LARGE1: variants seen among roughly 807,000 people sequenced by gnomAD.
LARGE1 encodes xylosyl- and glucuronyltransferase LARGE1.
In LARGE1, 43 loss-of-function variants were observed where a neutral mutation model predicts 87.6. The observed-to-expected ratio is 0.49, with a 90% CI of 0.38 to 0.63. The LOEUF is 0.63. Among genes scored for constraint, LARGE1 ranks in the 30% least tolerant of loss-of-function variants. The pLI is 0.00. For synonymous variants in LARGE1, 434 were observed against 394.6 expected, an observed-to-expected ratio of 1.10 and a Z score of -1.18; for missense variants, 802 against 1,000.2, an observed-to-expected ratio of 0.80 and a Z score of 2.67.
chr22:33,502,030 A>G (rs1444057308), intron 6 of LARGE1, among the ~76,000 whole-genome samples: 1 of 151,976 alleles, frequency 6.6e-6, no homozygotes, highest in East Asian at 1.9e-4. Context: ...CCATCTCTCT[A>G]TTAAAAACAC....
chr22:33,137,173 G>A, the LARGE1 span: 1 of 152,352 alleles, frequency 6.6e-6, no homozygotes, highest in South Asian at 2.1e-4. Flanking sequence ...AAGCTCAGTG[G>A]AAAACTTCCT....
chr22:33,272,889 GA>G lies in LARGE1; in HGVS notation c.*1537del, dbSNP rs1416172361. The G allele has an allele frequency of 2.6e-5, 4 of 152,502 alleles. No individual in the cohort carries two copies. Among genetic ancestry groups the G allele is most frequent in the African/African-American group, 4.8e-5 (2 of 41,448 alleles). The allele number at this position is 152,502 out of a possible 1,614,324, so 9.4% of individuals were successfully genotyped here. ...AAAGATGCGGAATGGAAAACTTGAA[GA>G]TGGTTTGAGTTAGAGACAGAGTGGG... On this transcript the variant is annotated 3_prime_UTR_variant, in exon 15 of 15. Coordinates refer to ENST00000397394, the MANE Select transcript of LARGE1 (RefSeq NM_133642.5).
intron 2 of LARGE1, among the ~76,000 whole-genome samples, chr22:33,678,852 A>G (rs1449757732): frequency 1.3e-5 from 2 of 152,210 alleles, no homozygotes; most frequent in East Asian, 3.8e-4. Flanking sequence ...ACCGAAGTAC[A>G]TTGCCCATCC....
intron 2 of LARGE1, among the ~76,000 whole-genome samples, chr22:33,702,077 C>T (rs2082418873): frequency 6.6e-6 from 1 of 152,218 alleles, no homozygotes; most frequent in African/African-American, 2.4e-5. Context: ...ATAACTGTGG[C>T]TGCATTTCAC....
chr22:33,116,020 TATTTTGTTACGGC>T, the LARGE1 span, among the ~76,000 whole-genome samples: 4 of 152,118 alleles, frequency 2.6e-5, no homozygotes, highest in Non-Finnish European at 5.9e-5. Context: ...CAGTCTGTGG[TATTTTGTTACGGC>T]ATCCCTAGAA....
intron 11 of LARGE1, among the ~76,000 whole-genome samples, chr22:33,181,201 T>C (rs1472527666): frequency 6.6e-6 from 1 of 152,160 alleles, no homozygotes; most frequent in Non-Finnish European, 1.5e-5. Context: ...GAGTTATAAA[T>C]TTAAAATAGA....
At chr22:33,430,438 A>T (rs764359046) in intron 7 of LARGE1, among the ~76,000 whole-genome samples, 2 of 152,126 alleles carry the variant, frequency 1.3e-5, no homozygotes, top group African/African-American at 2.4e-5. Context: ...CCCTCTCAGG[A>T]ACTCCTCAGA....
At position 33,399,461 on chromosome 22, in the gene LARGE1, T is replaced by C. The variant is rs926401516; in HGVS notation, c.893-15157A>G. ...CAATAAACATACGTGTGCATGTGTC[T>C]TTATAGTAGAATGATTTGTAATCCT... On this transcript the variant is annotated intron_variant, in intron 7 of 14. Transcript: ENST00000397394. Among the ~76,000 whole-genome samples the C allele has an allele frequency of 3.9e-5, 6 of 152,370 alleles. No homozygotes were observed. In the East Asian group the frequency reaches 1.2e-3, roughly 29 times the overall value.
At chr22:33,826,547 T>G (rs1266324260) in intron 1 of LARGE1, among the ~76,000 whole-genome samples, 1 of 152,078 alleles carries the variant, frequency 6.6e-6, no homozygotes, top group Non-Finnish European at 1.5e-5. Flanking sequence ...TTCACCATCT[T>G]GGCCAGGCTG....
chr22:33,326,337 G>A (rs577732650), intron 10 of LARGE1, among the ~76,000 whole-genome samples: 27 of 152,210 alleles, frequency 1.8e-4, no homozygotes, highest in Non-Finnish European at 2.6e-4. Context: ...AATGGGGAAT[G>A]AGCTCCTGCT....
intron 11 of LARGE1, among the ~76,000 whole-genome samples, chr22:33,213,831 C>CTT (rs894105038): frequency 6.8e-6 from 1 of 147,434 alleles, no homozygotes. Flanking sequence ...TTTTCTTTTT[C>CTT]TTTTTTTTTT....
At chr22:33,264,658 C>CAAAAA (rs1927826288) in intron 11 of LARGE1, among the ~76,000 whole-genome samples, 1 of 151,222 alleles carries the variant, frequency 6.6e-6, no homozygotes, top group Non-Finnish European at 1.5e-5. Context: ...GACTTCATAT[C>CAAAAA]AAAACAAAAC....
At chr22:33,261,295 T>C (rs1927611852) in intron 11 of LARGE1, among the ~76,000 whole-genome samples, 2 of 152,304 alleles carry the variant, frequency 1.3e-5, no homozygotes, top group South Asian at 2.1e-4. Context: ...TTTGTTTATC[T>C]ATTCTATCTT....
intron 6 of LARGE1, among the ~76,000 whole-genome samples, chr22:33,490,267 A>C (rs2069774208): frequency 6.6e-6 from 1 of 152,212 alleles, no homozygotes; most frequent in Non-Finnish European, 1.5e-5. Flanking sequence ...TTCACGCCAG[A>C]AGCTCCATGG....
intron 6 of LARGE1, among the ~76,000 whole-genome samples, chr22:33,441,262 C>G (rs139898572): frequency 6.6e-6 from 1 of 151,628 alleles, no homozygotes; most frequent in African/African-American, 2.4e-5. Context: ...TTAGTAGAGA[C>G]GAGATTTCAT....
chr22:33,564,276 A>C (rs1056884799), intron 6 of LARGE1, among the ~76,000 whole-genome samples: 2 of 152,128 alleles, frequency 1.3e-5, no homozygotes, highest in African/African-American at 4.8e-5. Context: ...TAGTACACCT[A>C]CTGAGCTCAC....
At chr22:33,233,598 T>C (rs867080181) in intron 11 of LARGE1, among the ~76,000 whole-genome samples, 2 of 152,188 alleles carry the variant, frequency 1.3e-5, no homozygotes, top group South Asian at 2.1e-4. Flanking sequence ...GTTGGGCAGA[T>C]GAGAAAAGAG....
At chr22:33,747,474 T>C (rs1171693050) in intron 2 of LARGE1, among the ~76,000 whole-genome samples, 2 of 152,192 alleles carry the variant, frequency 1.3e-5, no homozygotes, top group African/African-American at 4.8e-5. Flanking sequence ...CCTCACCACC[T>C]GGCTCTGCTT....
intron 6 of LARGE1, among the ~76,000 whole-genome samples, chr22:33,472,944 T>C (rs1004089975): frequency 6.6e-6 from 1 of 152,214 alleles, no homozygotes; most frequent in African/African-American, 2.4e-5. Context: ...AGGAATTCTG[T>C]TGATGCCTGC....
Sources: allele counts gnomAD v4.1 joint callset (sites outside exome capture counted in the v4.1 genomes callset), GRCh38; gene constraint gnomAD v4.1.1; transcripts MANE v1.5; gene names NCBI Gene and HGNC (gene_info 2026-07-23, HGNC 2026-07-21).